CNTNAP4: variants seen among roughly 807,000 people sequenced by gnomAD.
The protein encoded by CNTNAP4 is contactin associated protein family member 4, also known as contactin-associated protein-like 4.
In CNTNAP4, 98 loss-of-function variants were observed where a neutral mutation model predicts 148.4. The observed-to-expected ratio is 0.66, with a 90% CI of 0.56 to 0.78. The LOEUF (loss-of-function observed/expected upper bound fraction) is 0.78. CNTNAP4 is among the 30% of genes least tolerant of loss of function. CNTNAP4 has a pLI of 0.00. For missense variants in CNTNAP4, 1,935 were observed against 1,565.6 expected, an observed-to-expected ratio of 1.24 and a Z score of -3.98; for synonymous variants, 730 against 565.1, an observed-to-expected ratio of 1.29 and a Z score of -4.14.
chr16:76,518,532 T>C (rs1304033166), intron 15 of CNTNAP4, among the ~76,000 whole-genome samples: 1 of 152,184 alleles, frequency 6.6e-6, no homozygotes, highest in African/African-American at 2.4e-5. Flanking sequence ...TATTTAAATT[T>C]TTTTCTAGAT....
intron 3 of CNTNAP4, among the ~76,000 whole-genome samples, chr16:76,360,713 C>T (rs761047223): frequency 1.3e-5 from 2 of 152,084 alleles, no homozygotes; most frequent in Non-Finnish European, 2.9e-5. Context: ...CATTATTAGT[C>T]TAAATCTTCA....
intron 4 of CNTNAP4, among the ~76,000 whole-genome samples, chr16:76,428,199 T>C (rs1470132448): frequency 6.6e-6 from 1 of 152,180 alleles, no homozygotes; most frequent in Non-Finnish European, 1.5e-5. Flanking sequence ...TTTTATTATA[T>C]ATATTTTTTG....
At chr16:76,498,844 C>T (rs772997634) in intron 15 of CNTNAP4, 150 bp downstream of exon 15, 4 of 696,702 alleles carry the variant, frequency 5.7e-6, no homozygotes, top group South Asian at 2.9e-5. Flanking sequence ...ACATGAGGTG[C>T]CTTTAGTAGT....
intron 17 of CNTNAP4, among the ~76,000 whole-genome samples, chr16:76,525,952 TATC>T (rs1413389824): frequency 2.6e-5 from 4 of 151,434 alleles, no homozygotes; most frequent in Admixed American, 1.3e-4. Flanking sequence ...TATGGTTATA[TATC>T]ATCATATGTA....
At chr16:76,288,192 C>G (rs1011859038) in intron 1 of CNTNAP4, among the ~76,000 whole-genome samples, 1 of 152,060 alleles carries the variant, frequency 6.6e-6, no homozygotes, top group South Asian at 2.1e-4. Flanking sequence ...TCACTTGGCT[C>G]TCAGTCTTCT....
intron 7 of CNTNAP4, among the ~76,000 whole-genome samples, chr16:76,451,322 T>C (rs1170863091): frequency 6.6e-6 from 1 of 152,200 alleles, no homozygotes; most frequent in Non-Finnish European, 1.5e-5. Flanking sequence ...CTGGGAAACA[T>C]GGTTTCTAGC....
intron 15 of CNTNAP4, among the ~76,000 whole-genome samples, chr16:76,515,586 G>A (rs1394463183): frequency 2.0e-5 from 3 of 152,176 alleles, no homozygotes; most frequent in Non-Finnish European, 4.4e-5. Context: ...AGAAATAAAT[G>A]TGTTTTTTAA....
chr16:76,491,725 T>G (rs1170447594), intron 13 of CNTNAP4, among the ~76,000 whole-genome samples: 1 of 152,174 alleles, frequency 6.6e-6, no homozygotes. Flanking sequence ...AAAAGAGAGA[T>G]AAAAGAAGGT....
intron 3 of CNTNAP4, among the ~76,000 whole-genome samples, chr16:76,404,432 TCACACACACACAGACA>T (rs1377083045): frequency 1.7e-4 from 26 of 151,230 alleles, no homozygotes; most frequent in African/African-American, 6.3e-4. Flanking sequence ...AGCAATGCTA[TCACACACACACAGACA>T]CACACACACA....
intron 13 of CNTNAP4, among the ~76,000 whole-genome samples, chr16:76,492,180 G>A (rs769106616): frequency 1.3e-5 from 2 of 152,064 alleles, no homozygotes; most frequent in African/African-American, 2.4e-5. Flanking sequence ...TGGAGACATG[G>A]TATACAGAAT....
intron 3 of CNTNAP4, among the ~76,000 whole-genome samples, chr16:76,403,089 GTTTTA>G (rs2078474277): frequency 4.7e-5 from 7 of 148,638 alleles, no homozygotes; most frequent in African/African-American, 1.6e-4. Context: ...TTGTTGTTGG[GTTTTA>G]TTTTTTTTTT....
chr16:76,338,262 T>C (rs76309033), intron 2 of CNTNAP4, among the ~76,000 whole-genome samples: 2,591 of 152,304 alleles, frequency 0.017, 80 homozygotes, highest in African/African-American at 0.053. Flanking sequence ...TCACAATTTA[T>C]GTTCTTCTGC....
intron 4 of CNTNAP4, among the ~76,000 whole-genome samples, chr16:76,443,754 A>T (rs1474962204): frequency 6.6e-6 from 1 of 152,200 alleles, no homozygotes; most frequent in Non-Finnish European, 1.5e-5. Flanking sequence ...TCTTTCATAG[A>T]TTAGTACAAT....
chr16:76,506,460 C>T (rs546215677), intron 15 of CNTNAP4, among the ~76,000 whole-genome samples: 3 of 77,358 alleles, frequency 3.9e-5, no homozygotes, highest in Admixed American at 2.9e-4. Context: ...CCTCCCCTTC[C>T]GCTTCTCTTC....
chr16:76,521,286 G>T lies in CNTNAP4; in HGVS notation c.2512G>T (p.Asp838Tyr). The T allele has an allele frequency of 6.2e-7, 1 of 1,611,562 alleles. No homozygotes were observed. The highest frequency in any genetic ancestry group is 1.1e-5 in the South Asian group (1 of 90,564). Residue 838 changes from aspartate to tyrosine, a missense_variant, in exon 16 of 24, where the codon GAT becomes TAT. Physicochemically the swap from Asp to Tyr is radical, Grantham distance 160. Coordinates refer to ENST00000611870, the MANE Select transcript of CNTNAP4 (RefSeq NM_033401.5). Reference protein sequence around the residue: ...GVFLENLGIADFIRIELRSPT... With the variant: ...GVFLENLGIAYFIRIELRSPT... The stretch of plus-strand genomic sequence containing the variant: ...ATTTTTAGAGAACTTGGGGATTGCT[G>T]ATTTTATACGGATAGAGCTTCGCTG...
rs1402767495 is a variant in CNTNAP4, at chr16:76,539,720, A to T, written c.3222A>T (p.Gly1074=). The T allele has an allele frequency of 6.3e-7, 1 of 1,591,340 alleles. No individual in the cohort carries two copies. The highest frequency in any genetic ancestry group is 1.8e-5 in the Admixed American group (1 of 54,098). The change falls in exon 20 of 24, where the codon GGA becomes GGT. Residue 1074 remains glycine (G), a splice_region_variant and synonymous_variant. Transcript: ENST00000611870. ...AATCACAATTTTTCCCCACTCTAGG[A>T]AGTTTGCAGATCAGGTACAAGTTAA... The part of the protein sequence containing the change: ...EYLSVIIAKN[G]SLQIRYKLNK...
At chr16:76,526,185 A>T (rs1025856265) in intron 17 of CNTNAP4, among the ~76,000 whole-genome samples, 2 of 152,106 alleles carry the variant, frequency 1.3e-5, no homozygotes, top group African/African-American at 4.8e-5. Context: ...GATGAAACAG[A>T]AGAGAAAACC....
At chr16:76,540,603 C>T (rs72799059) in intron 20 of CNTNAP4, 100 bp from the exon 21 acceptor site, 179,504 of 770,404 alleles carry the variant, frequency 0.23, 22,048 homozygotes, top group Middle Eastern at 0.28. Context: ...ATGCTAACAA[C>T]TGCTTAATGT....
At chr16:76,543,312 T>A (rs1225010823) in intron 21 of CNTNAP4, among the ~76,000 whole-genome samples, 3 of 152,212 alleles carry the variant, frequency 2.0e-5, no homozygotes, top group African/African-American at 4.8e-5. Context: ...TATAGCAACA[T>A]GTTACATAGT....
Sources: gnomAD v4.1 joint callset for allele counts (sites outside exome capture counted in the v4.1 genomes callset) on GRCh38, gnomAD v4.1.1 for gene constraint, MANE v1.5 for transcripts, NCBI Gene and HGNC (gene_info 2026-07-23, HGNC 2026-07-21) for gene names.